Variants in C18orf54 observed in about 807,000 individuals in gnomAD.
The protein encoded by C18orf54 is chromosome 18 open reading frame 54.
C18orf54 carries 49 observed loss-of-function variants against 49.3 expected under a neutral mutation model. That is an observed-to-expected ratio of 0.99 (90% CI 0.79 to 1.26). The LOEUF (loss-of-function observed/expected upper bound fraction) is 1.26, where lower values mean the gene tolerates loss of function less well. C18orf54 is among the 50% of genes most tolerant of loss of function. C18orf54 has a pLI of 0.00. For missense variants in C18orf54, 687 were observed against 620.6 expected (o/e 1.11, Z -1.14); for synonymous variants, 211 against 216.6 (o/e 0.97, Z 0.23).
At chr18:54,369,325 C>T (rs1015201555) in intron 6 of C18orf54, among the ~76,000 whole-genome samples, 3 of 151,948 alleles carry the variant, frequency 2.0e-5, no homozygotes, top group Non-Finnish European at 2.9e-5. Flanking sequence ...TAACTTTCTC[C>T]CCATGATAAT....
At position 54,374,303 on chromosome 18, in the gene C18orf54, T is replaced by G. The variant is rs779616408; in HGVS notation, c.1529+19T>G. ...TTCAGAAGTAAGTATTCTTTACTAA[T>G]ATGGATACAAATCCATCTTAGCCAT... On this transcript the variant is annotated intron_variant, in intron 8 of 8. Transcript: ENST00000620105. The G allele has an allele frequency of 1.3e-6, 2 of 1,552,538 alleles. No homozygotes were observed. The highest frequency in any genetic ancestry group is 2.8e-5 in the African/African-American group (2 of 72,406).
chr18:54,378,258 A>G lies in C18orf54; in HGVS notation c.*12A>G. 6.2e-7 allele frequency: 1 copy of G among 1,608,932 alleles called. No homozygotes were observed. Among genetic ancestry groups the G allele is most frequent in the Non-Finnish European group, 8.5e-7 (1 of 1,175,532 alleles). On this transcript the variant is annotated 3_prime_UTR_variant, in exon 9 of 9. Coordinates refer to ENST00000620105, the MANE Select transcript of C18orf54 (RefSeq NM_001288980.2). ...CACCGAAAATGTGAAGAGGAAAATG[A>G]AACTGTCACCACAATGAATAGTCAC...
In C18orf54 at chr18:54,362,142, C is replaced by T. The variant is rs1360178078; in HGVS notation, c.783C>T (p.Tyr261=). The T allele has an allele frequency of 1.3e-6, 2 of 1,536,294 alleles. No individual in the cohort carries two copies. The highest frequency in any genetic ancestry group is 1.7e-4 in the Middle Eastern group (1 of 5,992). Residue 261 remains tyrosine (Y), a synonymous_variant, in exon 4 of 9, where the codon TAC becomes TAT. Coordinates refer to ENST00000620105, the MANE Select transcript of C18orf54 (RefSeq NM_001288980.2). ...SGITSIPDFK[Y]PVWLHNQDLL... is the part of the protein sequence containing the mutation. ...TAACTAGTATACCTGATTTCAAATA[C>T]CCAGTCTGGCTGCACAATCAAGACT...
chr18:54,369,630 G>A (rs535886355), intron 6 of C18orf54, among the ~76,000 whole-genome samples: 180 of 151,838 alleles, frequency 1.2e-3, no homozygotes, highest in Non-Finnish European at 2.1e-3. Context: ...CACTACACCC[G>A]GCTAATTTTT....
chr18:54,378,398 A>C lies in C18orf54; in HGVS notation c.*152A>C, dbSNP rs1299927848. The C allele has an allele frequency of 1.5e-5, 9 of 619,234 alleles. No individual in the cohort carries two copies. The highest frequency in any genetic ancestry group is 2.4e-5 in the Non-Finnish European group (9 of 378,746). The allele number at this position is 619,234 out of a possible 1,614,324, so 38.4% of individuals were successfully genotyped here. On this transcript the variant is annotated 3_prime_UTR_variant, in exon 9 of 9. Transcript: ENST00000620105. ...TATTTCTAAAACACTAAACTTGAAA[A>C]TACCCATAGGTTTTGGGACCTATCT...
chr18:54,360,248 A>G (rs1274407601), intron 2 of C18orf54, among the ~76,000 whole-genome samples: 2 of 151,946 alleles, frequency 1.3e-5, no homozygotes, highest in Admixed American at 6.6e-5. Context: ...AGAAGTGAGT[A>G]CTCTCTCCTT....
In C18orf54 at chr18:54,362,887, G is replaced by T. The variant is rs74862391; in HGVS notation, c.1189G>T (p.Ala397Ser). The change falls in exon 5 of 9, where the codon GCA becomes TCA. Residue 397 changes from alanine to serine, a missense_variant. Coordinates refer to ENST00000620105, the MANE Select transcript of C18orf54 (RefSeq NM_001288980.2). ...TCCTTGCTCATTAGATAAACTTGAA[G>T]CAGACAGATCATGGGAAAATATTCC... ...DSPCSLDKLE[A>S]DRSWENIPVT... 4 of 1,610,126 alleles carry T rather than the reference G, an allele frequency of 2.5e-6. No individual in the cohort carries two copies. In the South Asian group the frequency reaches 4.4e-5, roughly 18 times the overall value.
intron 6 of C18orf54, among the ~76,000 whole-genome samples, chr18:54,371,396 G>A (rs1429287308): frequency 1.3e-5 from 2 of 151,970 alleles, no homozygotes; most frequent in African/African-American, 4.8e-5. Flanking sequence ...ATCTGTTGTT[G>A]GACTCTTGGG....
At chr18:54,373,385 C>T (rs900625837) in intron 7 of C18orf54, among the ~76,000 whole-genome samples, 1 of 151,770 alleles carries the variant, frequency 6.6e-6, no homozygotes, top group Non-Finnish European at 1.5e-5. Flanking sequence ...AATTACCTCA[C>T]ATACTTTTTG....
intron 7 of C18orf54, 131 bp from the exon 8 acceptor site, chr18:54,374,083 A>T: frequency 1.2e-6 from 1 of 832,312 alleles, no homozygotes; most frequent in Non-Finnish European, 1.7e-6. Context: ...AATATTTAAT[A>T]CTCTTGAAAA....
At position 54,381,278 on chromosome 18, in the gene C18orf54, G is replaced by C. The variant is rs1447566047; in HGVS notation, c.*3032G>C. On this transcript the variant is annotated 3_prime_UTR_variant, in exon 9 of 9. Transcript: ENST00000620105. ...CAAAAAAAAGAAAAAAAAAATCTTAGCTTTTCATCCTCCCAGTGTATTCTG... is the reference window on the plus strand; with the variant it reads ...CAAAAAAAAGAAAAAAAAAATCTTACCTTTTCATCCTCCCAGTGTATTCTG... 1 of 151,346 alleles carries C rather than the reference G, an allele frequency of 6.6e-6. No individual in the cohort carries two copies. Among genetic ancestry groups the C allele is most frequent in the Non-Finnish European group, 1.5e-5 (1 of 67,834 alleles). The allele number at this position is 151,346 out of a possible 1,614,324, so 9.4% of individuals were successfully genotyped here.
chr18:54,375,869 G>C (rs1046053321), intron 8 of C18orf54, among the ~76,000 whole-genome samples: 23 of 137,420 alleles, frequency 1.7e-4, no homozygotes, highest in African/African-American at 5.1e-4. Flanking sequence ...TTATCAGTAA[G>C]ACGTTTGTAC....
At chr18:54,372,428 G>A in intron 6 of C18orf54, 38 bp from the exon 7 acceptor site, 1 of 1,437,878 alleles carries the variant, frequency 7.0e-7, no homozygotes, top group Non-Finnish European at 9.2e-7. Context: ...CCTGAGCTTG[G>A]ATGGTTAACT....
At chr18:54,372,905 A>G (rs946448231) in intron 7 of C18orf54, among the ~76,000 whole-genome samples, 2 of 151,936 alleles carry the variant, frequency 1.3e-5, no homozygotes, top group African/African-American at 4.8e-5. Context: ...CCTCTACAAA[A>G]TTAATCTATG....
In C18orf54 at chr18:54,360,753, C is replaced by T. The variant is rs1657904; in HGVS notation, c.181C>T (p.Leu61=). 94,730 of 1,613,774 alleles carry T rather than the reference C, an allele frequency of 0.059. 3,076 individuals carry two copies. Among genetic ancestry groups the T allele is most frequent in the African/African-American group, 0.089 (6,679 of 74,988 alleles). Residue 61 remains leucine (L), a synonymous_variant, in exon 3 of 9, where the codon CTA becomes TTA. Coordinates refer to ENST00000620105, the MANE Select transcript of C18orf54 (RefSeq NM_001288980.2). ...ACAGGCTTATATTGATGATTTTGAT[C>T]TAGGCCAAATATATCCTGGTGCAAG... ...ALQAYIDDFD[L]GQIYPGASTG...
intron 6 of C18orf54, among the ~76,000 whole-genome samples, chr18:54,368,346 C>T (rs2089425162): frequency 6.6e-6 from 1 of 151,974 alleles, no homozygotes; most frequent in South Asian, 2.1e-4. Flanking sequence ...CTTAGAACAG[C>T]TATTTTGAAT....
Position 54,377,369 on chromosome 18 carries a change from A to T in C18orf54, c.1530-805A>T, listed in dbSNP as rs540247125. Among the ~76,000 whole-genome samples the T allele has an allele frequency of 2.6e-5, 4 of 152,268 alleles. No homozygotes were observed. In the East Asian group the frequency reaches 5.8e-4, roughly 22 times the overall value. On this transcript the variant is annotated intron_variant, in intron 8 of 8. Transcript: ENST00000620105. Reference sequence around the variant, plus strand: ...CTTCCGGCCCTTCCTGCACATCTTAATTACTATATTGTCACTCTGTTTTTC... The same window carrying T: ...CTTCCGGCCCTTCCTGCACATCTTATTTACTATATTGTCACTCTGTTTTTC...
Position 54,372,572 on chromosome 18 carries a change from C to T in C18orf54, c.1433C>T (p.Thr478Ile). ...VQERFNQNKT[T>I]DPKEEIKQVS... ...GAACGTTTTAATCAAAATAAGACCA[C>T]AGATCCAAAAGAAGAGATTAAACAA... is the stretch of plus-strand genomic sequence containing the variant. The change falls in exon 7 of 9, where the codon ACA becomes ATA. Residue 478 changes from threonine (T) to isoleucine (I), a missense_variant. Thr to Ile is a moderately conservative substitution (Grantham distance 89). Transcript: ENST00000620105. 1 of 1,606,500 alleles carries T rather than the reference C, an allele frequency of 6.2e-7. No homozygotes were observed. The highest frequency in any genetic ancestry group is 2.2e-5 in the East Asian group (1 of 44,682).
In C18orf54 at chr18:54,365,764, T is replaced by A; in HGVS notation, c.1269T>A (p.Thr423=). The A allele has an allele frequency of 6.2e-7, 1 of 1,601,570 alleles. No homozygotes were observed. Among genetic ancestry groups the A allele is most frequent in the Non-Finnish European group, 8.5e-7 (1 of 1,171,770 alleles). Residue 423 remains threonine, a synonymous_variant, in exon 6 of 9, where the codon ACT becomes ACA. Transcript: ENST00000620105. Reference sequence around the variant, plus strand: ...ACTCTGATGATAGTCCTCAACAAACTTCAAGGGCAAAGAGTGCTAAAGGGG... The same window carrying A: ...ACTCTGATGATAGTCCTCAACAAACATCAAGGGCAAAGAGTGCTAAAGGGG... ...PVNSDDSPQQ[T]SRAKSAKGVL...
Sources: allele counts gnomAD v4.1 joint callset (sites outside exome capture counted in the v4.1 genomes callset), GRCh38; gene constraint gnomAD v4.1.1; transcripts MANE v1.5; gene names NCBI Gene and HGNC (gene_info 2026-07-23, HGNC 2026-07-21).